RSPH14: variants seen among roughly 807,000 people sequenced by gnomAD.
The protein encoded by RSPH14 is radial spoke head 14 homolog.
RSPH14 carries 20 observed loss-of-function variants against 26.7 expected under a neutral mutation model. The observed-to-expected ratio is 0.75, with a 90% CI of 0.53 to 1.09. The LOEUF (loss-of-function observed/expected upper bound fraction) is 1.09. Among genes scored for constraint, RSPH14 ranks in the 50% least tolerant of loss-of-function variants. RSPH14 has a pLI of 0.00. For missense variants in RSPH14, 449 were observed against 457.2 expected (o/e 0.98, Z 0.16); for synonymous variants, 177 against 189.3 (o/e 0.93, Z 0.53).
At chr22:23,176,746 A>T in the RSPH14 span, among the ~76,000 whole-genome samples, 5 of 151,990 alleles carry the variant, frequency 3.3e-5, no homozygotes, top group African/African-American at 1.2e-4. Context: ...CCTCATAAAC[A>T]ATTGCCACAA....
At chr22:23,084,691 T>C (rs114724637) in intron 4 of RSPH14, among the ~76,000 whole-genome samples, 1,748 of 152,268 alleles carry the variant, frequency 0.011, 41 homozygotes, top group African/African-American at 0.04. Flanking sequence ...AATGCAGCCT[T>C]GAGAGCTGCA....
chr22:23,130,195 C>A (rs1361794165), intron 4 of RSPH14, among the ~76,000 whole-genome samples: 4 of 150,788 alleles, frequency 2.7e-5, no homozygotes, highest in Non-Finnish European at 4.4e-5. Flanking sequence ...GTGGCTCACG[C>A]CTGTAATCCC....
the RSPH14 span, among the ~76,000 whole-genome samples, chr22:23,179,001 G>A: frequency 1.3e-5 from 2 of 152,178 alleles, no homozygotes; most frequent in Non-Finnish European, 2.9e-5. Flanking sequence ...AAGCAGGATT[G>A]GGCACATGAA....
chr22:23,138,707 G>T, intron 3 of RSPH14, 133 bp downstream of exon 3: 2 of 712,544 alleles, frequency 2.8e-6, no homozygotes, highest in Non-Finnish European at 4.6e-6. Flanking sequence ...TCCTGCTCTG[G>T]CTAAATAGAA....
intron 4 of RSPH14, among the ~76,000 whole-genome samples, chr22:23,111,372 C>T (rs2069654257): frequency 3.9e-5 from 6 of 152,198 alleles, no homozygotes. Flanking sequence ...GCGCACTGGA[C>T]TCGGTTCCGC....
rs372482270 is a variant in RSPH14, at chr22:23,059,656, T to C, written c.853A>G (p.Met285Val). 3.8e-5 allele frequency: 60 copies of C among 1,592,264 alleles called. No homozygotes were observed. The highest frequency in any genetic ancestry group is 4.4e-5 in the Non-Finnish European group (51 of 1,167,910). Residue 285 changes from methionine to valine, a missense_variant, in exon 7 of 7, where the codon ATG becomes GTG. Coordinates refer to ENST00000216036, the MANE Select transcript of RSPH14 (RefSeq NM_014433.3). ...GTGGCATTCAGGCGCGCTATGGTCA[T>C]GGGGGAGTGCAGCAGCTCCAGGAGC... The part of the protein sequence containing the change: ...GLLLELLHSP[M>V]TIARLNATKA...
intron 4 of RSPH14, among the ~76,000 whole-genome samples, chr22:23,133,531 A>T (rs2146437752): frequency 6.6e-6 from 1 of 152,324 alleles, no homozygotes; most frequent in Middle Eastern, 3.4e-3. Context: ...GTTACACCAC[A>T]TGTTCACTGA....
intron 4 of RSPH14, among the ~76,000 whole-genome samples, chr22:23,129,026 C>T (rs1437481518): frequency 6.6e-6 from 1 of 152,168 alleles, no homozygotes; most frequent in Non-Finnish European, 1.5e-5. Context: ...ACACAGGTGA[C>T]ACCCACGTTC....
chr22:23,113,032 A>T (rs1476380144), intron 4 of RSPH14, among the ~76,000 whole-genome samples: 1 of 151,390 alleles, frequency 6.6e-6, no homozygotes, highest in Non-Finnish European at 1.5e-5. Flanking sequence ...TGCTCTGAGC[A>T]TAGCAGCCCC....
upstream of RSPH14, among the ~76,000 whole-genome samples, chr22:23,148,308 C>T (rs181028699): frequency 9.2e-5 from 14 of 152,262 alleles, no homozygotes; most frequent in African/African-American, 3.4e-4. Flanking sequence ...ACAGTGGTAA[C>T]TAGGGATGAC....
the RSPH14 span, chr22:23,150,084 T>C: frequency 6.2e-7 from 1 of 1,611,778 alleles, no homozygotes; most frequent in Non-Finnish European, 8.5e-7. Context: ...GGAAGCCTGT[T>C]TGCAGCTCAG....
chr22:23,106,691 G>A (rs1435338037), intron 4 of RSPH14, among the ~76,000 whole-genome samples: 1 of 152,268 alleles, frequency 6.6e-6, no homozygotes, highest in Non-Finnish European at 1.5e-5. Flanking sequence ...GCCCAGAGAC[G>A]TGAGCGGTTG....
At chr22:23,081,182 G>A (rs1295626328) in intron 4 of RSPH14, among the ~76,000 whole-genome samples, 2 of 152,202 alleles carry the variant, frequency 1.3e-5, no homozygotes, top group African/African-American at 4.8e-5. Context: ...GGGACAAGGA[G>A]TATAACAGCC....
At chr22:23,144,797 A>G (rs2070684770), upstream of RSPH14, among the ~76,000 whole-genome samples, 6 of 152,220 alleles carry the variant, frequency 3.9e-5, no homozygotes, top group Admixed American at 3.9e-4. Flanking sequence ...TGTGATGCAG[A>G]AAAGTTAAGG....
At position 23,098,802 on chromosome 22, in the gene RSPH14, C is replaced by T. The variant is rs533941485; in HGVS notation, c.422-34669G>A. ...GATTCCTCCCGCAGGCTGGGCTGGC[C>T]CCGGAGGTGAGCTGGCCCCCAGAGT... On this transcript the variant is annotated intron_variant, in intron 4 of 6. Transcript: ENST00000216036. 5.3e-5 allele frequency among the ~76,000 whole-genome samples: 8 copies of T among 152,356 alleles called. No individual in the cohort carries two copies. The East Asian group carries it at 1.5e-3, about 29-fold the overall frequency.
chr22:23,158,670 G>C, the RSPH14 span, among the ~76,000 whole-genome samples: 1 of 152,192 alleles, frequency 6.6e-6, no homozygotes, highest in East Asian at 1.9e-4. Context: ...GCCAGGAGGG[G>C]TCTTCACCAC....
chr22:23,081,116 A>G (rs984377325), intron 4 of RSPH14, among the ~76,000 whole-genome samples: 1 of 152,204 alleles, frequency 6.6e-6, no homozygotes. Context: ...TGCTTTGGAA[A>G]AGCCTCAGTA....
intron 4 of RSPH14, among the ~76,000 whole-genome samples, chr22:23,121,253 C>T (rs2070017599): frequency 1.3e-5 from 2 of 152,232 alleles, no homozygotes; most frequent in Admixed American, 1.3e-4. Flanking sequence ...AAAGAAAGAG[C>T]AAGATTGGTT....
chr22:23,122,952 CAGA>C, intron 4 of RSPH14: 1 of 629,546 alleles, frequency 1.6e-6, no homozygotes, highest in Non-Finnish European at 2.8e-6. Context: ...GCTTCCCCAG[CAGA>C]AGGAGGTGCC....
Sources: gnomAD v4.1 joint callset for allele counts (sites outside exome capture counted in the v4.1 genomes callset) on GRCh38, gnomAD v4.1.1 for gene constraint, MANE v1.5 for transcripts, NCBI Gene and HGNC (gene_info 2026-07-23, HGNC 2026-07-21) for gene names.